HS1BP3: variants seen among roughly 807,000 people sequenced by gnomAD.
HS1BP3 encodes the protein HCLS1-binding protein 3.
In HS1BP3, 32 loss-of-function variants were observed where a neutral mutation model predicts 33.5. That is an observed-to-expected ratio of 0.95 (90% confidence interval 0.72 to 1.28). The LOEUF is 1.28. HS1BP3 is among the 50% of genes most tolerant of loss of function. The probability of loss-of-function intolerance (pLI) is 0.00; values close to 1 mark genes in which losing one functional copy is unlikely to be tolerated. For missense variants in HS1BP3, 486 were observed against 502.3 expected, an observed-to-expected ratio of 0.97 and a Z score of 0.31; for synonymous variants, 187 against 209.2, an observed-to-expected ratio of 0.89 and a Z score of 0.92.
chr2:20,644,676 A>G (rs1200059870), intron 2 of HS1BP3, among the ~76,000 whole-genome samples: 1 of 152,146 alleles, frequency 6.6e-6, no homozygotes. Context: ...GGGAATGACC[A>G]TATTGGCCAT....
chr2:20,595,701 A>G (rs1307092876), intron 3 of HS1BP3, among the ~76,000 whole-genome samples: 1 of 152,166 alleles, frequency 6.6e-6, no homozygotes, highest in African/African-American at 2.4e-5. Context: ...ATAAATGCAA[A>G]TGAGACCACA....
rs553854948 is a variant in HS1BP3 at position 20,624,053 on chromosome 2, G to C, written c.785-22C>G. ...AGGGCTGTGGGAAGGCAGCAGCAGG[G>C]GGGTCAGAGGAAGCCTCTAGGCTGG... On this transcript the variant is annotated intron_variant, in intron 5 of 6. Coordinates refer to ENST00000304031, the MANE Select transcript of HS1BP3 (RefSeq NM_022460.4). 29 of 1,609,474 alleles carry C rather than the reference G, an allele frequency of 1.8e-5. 1 individual carries two copies. The African/African-American group carries it at 3.6e-4, about 20-fold the overall frequency.
chr2:20,591,695 CA>C (rs1693820289), downstream of HS1BP3, among the ~76,000 whole-genome samples: 1 of 152,150 alleles, frequency 6.6e-6, no homozygotes, highest in Non-Finnish European at 1.5e-5. Context: ...CCTCAGCCTC[CA>C]AAAAATGCAG....
intron 5 of HS1BP3, among the ~76,000 whole-genome samples, chr2:20,581,614 TGC>T (rs2149275838): frequency 6.6e-6 from 1 of 152,300 alleles, no homozygotes; most frequent in East Asian, 1.9e-4. Flanking sequence ...CCTCCCAAAG[TGC>T]TGGGATTACA....
chr2:20,645,021 C>T (rs1695472567), intron 2 of HS1BP3, among the ~76,000 whole-genome samples: 1 of 152,148 alleles, frequency 6.6e-6, no homozygotes, highest in Admixed American at 6.5e-5. Flanking sequence ...TTCCTCAAAA[C>T]ACAGCTCAGC....
At chr2:20,576,125 T>A (rs2149274041) in intron 5 of HS1BP3, among the ~76,000 whole-genome samples, 1 of 152,280 alleles carries the variant, frequency 6.6e-6, no homozygotes, top group Non-Finnish European at 1.5e-5. Flanking sequence ...ACTACAGGTA[T>A]ATGTCACCAT....
downstream of HS1BP3, among the ~76,000 whole-genome samples, chr2:20,614,619 G>T (rs372466376): frequency 5.9e-5 from 9 of 152,210 alleles, no homozygotes; most frequent in Non-Finnish European, 1.0e-4. Context: ...TGCCCATTAC[G>T]TGCTTAGTGT....
At chr2:20,623,098 T>A (rs1447132775) in intron 6 of HS1BP3, 1 of 152,012 alleles carries the variant, frequency 6.6e-6, no homozygotes, top group Non-Finnish European at 1.5e-5. Flanking sequence ...CAACACTGAG[T>A]CTGCTGAGAA....
intron 5 of HS1BP3, among the ~76,000 whole-genome samples, chr2:20,569,177 G>T (rs1693206683): frequency 6.6e-6 from 1 of 152,168 alleles, no homozygotes; most frequent in South Asian, 2.1e-4. Flanking sequence ...GGAGGCCCAT[G>T]TCCCACCACC....
chr2:20,589,328 C>T (rs1473838797), downstream of HS1BP3, among the ~76,000 whole-genome samples: 1 of 152,190 alleles, frequency 6.6e-6, no homozygotes, highest in East Asian at 1.9e-4. Context: ...TGTTGGGGGG[C>T]TCTGACATGG....
At chr2:20,632,143 C>T (rs890808912) in intron 4 of HS1BP3, among the ~76,000 whole-genome samples, 1 of 152,220 alleles carries the variant, frequency 6.6e-6, no homozygotes, top group Admixed American at 6.5e-5. Context: ...CCAATAACCT[C>T]CAATCAGCGT....
At chr2:20,628,059 C>T (rs1257759295) in intron 4 of HS1BP3, among the ~76,000 whole-genome samples, 1 of 152,152 alleles carries the variant, frequency 6.6e-6, no homozygotes, top group Non-Finnish European at 1.5e-5. Flanking sequence ...TCTCAGACAG[C>T]GCCCTATGTG....
At chr2:20,620,073 G>A (rs1694548510) in intron 6 of HS1BP3, among the ~76,000 whole-genome samples, 1 of 152,368 alleles carries the variant, frequency 6.6e-6, no homozygotes, top group African/African-American at 2.4e-5. Context: ...AAACAGGCCA[G>A]GCCACTGATT....
intron 4 of HS1BP3, chr2:20,637,769 G>A (rs1020335056): frequency 3.3e-5 from 5 of 152,602 alleles, no homozygotes; most frequent in Non-Finnish European, 5.9e-5. Context: ...TTTGGTAAAC[G>A]GCTAAGAGAC....
At chr2:20,560,852 G>A (rs139181430) in intron 5 of HS1BP3, among the ~76,000 whole-genome samples, 192 of 152,214 alleles carry the variant, frequency 1.3e-3, no homozygotes, top group African/African-American at 4.4e-3. Flanking sequence ...TGGAACTGAC[G>A]CCTCCCTGGG....
chr2:20,567,210 G>A (rs1693151160), intron 5 of HS1BP3, among the ~76,000 whole-genome samples: 2 of 152,010 alleles, frequency 1.3e-5, no homozygotes, highest in South Asian at 4.1e-4. Context: ...TCCTTAGTAA[G>A]TGGCAGCAGC....
At chr2:20,606,121 CAAA>C (rs376588783) in intron 2 of HS1BP3, among the ~76,000 whole-genome samples, 1 of 144,466 alleles carries the variant, frequency 6.9e-6, no homozygotes, top group African/African-American at 2.5e-5. Context: ...ATTTTTCTTT[CAAA>C]AAAAAAAAAT....
chr2:20,568,545 G>T (rs1313506053), intron 5 of HS1BP3, among the ~76,000 whole-genome samples: 2 of 151,630 alleles, frequency 1.3e-5, no homozygotes, highest in African/African-American at 4.9e-5. Context: ...TGGGCCCTTT[G>T]TCTGGGGACT....
At chr2:20,568,774 AGT>A (rs140524784) in intron 5 of HS1BP3, among the ~76,000 whole-genome samples, 59 of 152,262 alleles carry the variant, frequency 3.9e-4, no homozygotes, top group African/African-American at 1.4e-3. Context: ...CATAAGACAT[AGT>A]GCTTATCTCG....
Sources: allele counts gnomAD v4.1 joint callset (sites outside exome capture counted in the v4.1 genomes callset), GRCh38; gene constraint gnomAD v4.1.1; transcripts MANE v1.5; gene names NCBI Gene and HGNC (gene_info 2026-07-23, HGNC 2026-07-21).